ARRDC2: variants seen among roughly 807,000 people sequenced by gnomAD.
ARRDC2 encodes arrestin domain containing 2.
In ARRDC2, 39 loss-of-function variants were observed where a neutral mutation model predicts 38.9. The ratio of observed to expected loss-of-function variants is 1.00; its 90% confidence interval spans 0.78 to 1.31. The LOEUF is 1.31. Among genes scored for constraint, ARRDC2 ranks in the 50% most tolerant of loss-of-function variants. ARRDC2 has a pLI of 0.00. For synonymous variants in ARRDC2, 300 were observed against 261.9 expected, an observed-to-expected ratio of 1.15 and a Z score of -1.41; for missense variants, 553 against 588.4, an observed-to-expected ratio of 0.94 and a Z score of 0.62.
chr19:18,009,331 A>G, intron 3 of ARRDC2: 1 of 657,172 alleles, frequency 1.5e-6, no homozygotes, highest in Non-Finnish European at 2.6e-6. Flanking sequence ...TGAGCCTCAG[A>G]TGCCTCTTCT....
intron 1 of ARRDC2, 43 bp from the exon 2 acceptor site, chr19:18,008,668 C>T: frequency 6.2e-7 from 1 of 1,609,182 alleles, no homozygotes; most frequent in Non-Finnish European, 8.5e-7. Flanking sequence ...CCCTGGGACC[C>T]CAGCGCAACC....
At chr19:18,008,121 A>AACCCCC, upstream of ARRDC2, 1 of 364,080 alleles carries the variant, frequency 2.7e-6, no homozygotes, top group Non-Finnish European at 4.2e-6. Flanking sequence ...CGGTGACCCC[A>AACCCCC]CCCCCCCCCG....
intron 6 of ARRDC2, 99 bp downstream of exon 6, chr19:18,010,457 C>T (rs1006436071): frequency 1.3e-6 from 2 of 1,557,656 alleles, no homozygotes; most frequent in African/African-American, 2.7e-5. Flanking sequence ...GAATCCCAAC[C>T]AAAGGACATA....
chr19:18,002,781 C>G (rs1397389213), intron 1 of ARRDC2, among the ~76,000 whole-genome samples: 1 of 152,174 alleles, frequency 6.6e-6, no homozygotes, highest in African/African-American at 2.4e-5. Flanking sequence ...AAGGCCGGCC[C>G]AGACACTCAA....
At chr19:18,010,809 G>A (rs1407629978) in intron 7 of ARRDC2, 80 bp downstream of exon 7, 3 of 1,456,016 alleles carry the variant, frequency 2.1e-6, no homozygotes, top group Non-Finnish European at 2.8e-6. Flanking sequence ...TAGTAGATGG[G>A]TTTTTTTTGT....
At chr19:18,007,205 T>G (rs1333946442), upstream of ARRDC2, 1 of 152,202 alleles carries the variant, frequency 6.6e-6, no homozygotes, top group Non-Finnish European at 1.5e-5. Flanking sequence ...CTGGAGAAAC[T>G]CCATGCGACT....
chr19:18,003,934 C>T (rs1433552123), upstream of ARRDC2, among the ~76,000 whole-genome samples: 5 of 151,848 alleles, frequency 3.3e-5, no homozygotes, highest in South Asian at 4.2e-4. Flanking sequence ...CCACAGTGCC[C>T]GGCCAATTTT....
At chr19:18,012,528 A>G (rs543428191) in intron 7 of ARRDC2, among the ~76,000 whole-genome samples, 50 of 152,292 alleles carry the variant, frequency 3.3e-4, no homozygotes, top group African/African-American at 1.1e-3. Flanking sequence ...TAGAGGTTGC[A>G]GTGAGCCGAG....
rs1351312498 is a variant in ARRDC2 at position 18,013,593 on chromosome 19, C to G, written c.*627C>G. The G allele has an allele frequency of 1.3e-5, 2 of 152,256 alleles. No individual in the cohort carries two copies. The highest frequency in any genetic ancestry group is 4.8e-5 in the African/African-American group (2 of 41,446). 9.4% of individuals were successfully genotyped at this position (152,256 alleles called of 1,614,324 possible). On this transcript the variant is annotated 3_prime_UTR_variant, in exon 8 of 8. Transcript: ENST00000222250. Reference sequence around the variant, plus strand: ...CCCAGGAACGAGGCGTTCAGGAAAGCAGGTTGTCAGAGCTATGTGGAGTCT... The same window carrying G: ...CCCAGGAACGAGGCGTTCAGGAAAGGAGGTTGTCAGAGCTATGTGGAGTCT...
rs763309432 is a variant in ARRDC2 at position 18,009,921 on chromosome 19, C to T, written c.731C>T (p.Ala244Val). ...KQKRAVVASL[A>V]GEPVGPGQRA... ...AAACGGGCAGTGGTGGCCAGCCTCG[C>T]GGGCGAGCCGGTGGGCCCCGGGCAG... The change falls in exon 5 of 8, where the codon GCG becomes GTG. Residue 244 changes from alanine to valine, a missense_variant. Transcript: ENST00000222250. 12 of 1,604,958 alleles carry T rather than the reference C, an allele frequency of 7.5e-6. No homozygotes were observed. Among genetic ancestry groups the T allele is most frequent in the East Asian group, 2.2e-5 (1 of 44,792 alleles).
intron 3 of ARRDC2, 176 bp downstream of exon 3, chr19:18,009,294 T>C: frequency 1.3e-6 from 1 of 779,026 alleles, no homozygotes; most frequent in Non-Finnish European, 2.0e-6. Context: ...GCCGTGTGAC[T>C]CTGGGCAAGT....
intron 2 of ARRDC2, 25 bp from the exon 3 acceptor site, chr19:18,008,946 C>T (rs12610703): frequency 6.2e-7 from 1 of 1,612,218 alleles, no homozygotes; most frequent in South Asian, 1.1e-5. Context: ...ATCTTGTCCC[C>T]TGAAGTCCCG....
Position 18,008,177 on chromosome 19 carries a change from T to A in ARRDC2, c.-134T>A. The A allele has an allele frequency of 7.4e-7, 1 of 1,346,894 alleles. No individual in the cohort carries two copies. The highest frequency in any genetic ancestry group is 9.5e-7 in the Non-Finnish European group (1 of 1,048,158). 83.4% of individuals were successfully genotyped at this position (1,346,894 alleles called of 1,614,324 possible). On this transcript the variant is annotated 5_prime_UTR_variant, in exon 1 of 8. Transcript: ENST00000222250. ...GCCGACGCACGGCGCGGGGATTTTC[T>A]GCTCCGGTTGGTGAGCGCGCCTGCG...
At chr19:18,008,900 G>T (rs1439953413) in intron 2 of ARRDC2, 71 bp from the exon 3 acceptor site, 1 of 1,602,652 alleles carries the variant, frequency 6.2e-7, no homozygotes, top group Admixed American at 1.7e-5. Flanking sequence ...CCCCCGGAGT[G>T]TCTGTGTCTC....
chr19:18,008,002 G>C (rs928415023), upstream of ARRDC2, among the ~76,000 whole-genome samples: 1 of 152,224 alleles, frequency 6.6e-6, no homozygotes, highest in African/African-American at 2.4e-5. Context: ...GCGAGGGAAG[G>C]GGGCAGCCGG....
At chr19:18,012,034 G>A (rs551576468) in intron 7 of ARRDC2, among the ~76,000 whole-genome samples, 1 of 136,174 alleles carries the variant, frequency 7.3e-6, no homozygotes, top group Non-Finnish European at 1.5e-5. Flanking sequence ...TCGGCTCACT[G>A]CAATCTCCAC....
intron 7 of ARRDC2, among the ~76,000 whole-genome samples, chr19:18,011,494 G>A (rs1198180100): frequency 6.6e-6 from 1 of 152,048 alleles, no homozygotes; most frequent in African/African-American, 2.4e-5. Flanking sequence ...TGCGTTAGCT[G>A]GTTTGGAATC....
intron 1 of ARRDC2, 55 bp downstream of exon 1, chr19:18,008,639 A>T: frequency 6.2e-7 from 1 of 1,601,544 alleles, no homozygotes; most frequent in Non-Finnish European, 8.5e-7. Context: ...CACCACCTGG[A>T]CGGCGGTACC....
chr19:18,011,851 ACCT>A (rs920648052), intron 7 of ARRDC2, among the ~76,000 whole-genome samples: 23 of 151,336 alleles, frequency 1.5e-4, no homozygotes, highest in African/African-American at 5.6e-4. Flanking sequence ...ACAAAACAAG[ACCT>A]CATCTCAATA....
Sources: allele counts gnomAD v4.1 joint callset (sites outside exome capture counted in the v4.1 genomes callset), GRCh38; gene constraint gnomAD v4.1.1; transcripts MANE v1.5; gene names NCBI Gene and HGNC (gene_info 2026-07-23, HGNC 2026-07-21).